NRG3: variants seen among roughly 807,000 people sequenced by gnomAD.
NRG3 encodes the protein pro-neuregulin-3, membrane-bound isoform.
Under a neutral mutation model 66.9 loss-of-function variants are expected in NRG3, and 31 were observed. That is an observed-to-expected ratio of 0.46 (90% CI 0.35 to 0.63). NRG3 has a LOEUF of 0.63. NRG3 is among the 20% of genes least tolerant of loss of function. The pLI, the probability that NRG3 is intolerant of heterozygous loss-of-function variation, is 0.00. For missense variants in NRG3, 910 were observed against 878.9 expected (o/e 1.04, Z -0.45); for synonymous variants, 393 against 359.4 (o/e 1.09, Z -1.06).
At position 82,722,719 on chromosome 10, in the gene NRG3, T is replaced by C. The variant is rs1454682388; in HGVS notation, c.954-15858T>C. The stretch of plus-strand genomic sequence containing the variant: ...CACACTAAGCCTCTATTTCTTGCTT[T>C]ATCTACTTTAGATATGGAGCATTGA... On this transcript the variant is annotated intron_variant, in intron 2 of 8. Coordinates refer to ENST00000372141, the MANE Select transcript of NRG3 (RefSeq NM_001010848.4). Among the ~76,000 whole-genome samples the C allele has an allele frequency of 2.0e-5, 3 of 152,220 alleles. No individual in the cohort carries two copies. The East Asian group carries it at 5.8e-4, about 29-fold the overall frequency.
At position 82,349,610 on chromosome 10, in the gene NRG3, G is replaced by T. The variant is rs573021750; in HGVS notation, c.824-9129G>T. Among the ~76,000 whole-genome samples, 183 of 152,078 alleles carry T rather than the reference G, an allele frequency of 1.2e-3. 1 individual carries two copies. In the East Asian group the frequency reaches 0.031, roughly 26 times the overall value. On this transcript the variant is annotated intron_variant, in intron 1 of 8. Coordinates refer to ENST00000372141, the MANE Select transcript of NRG3 (RefSeq NM_001010848.4). ...GGCTCCACCCAGTTCGAGCTTCCCG[G>T]CTGCTTTGTTTACCTAAGCAAGCCT...
intron 2 of NRG3, among the ~76,000 whole-genome samples, chr10:82,652,293 C>G (rs996917358): frequency 2.6e-5 from 4 of 152,198 alleles, no homozygotes; most frequent in Non-Finnish European, 4.4e-5. Context: ...TGTATCCACA[C>G]TCTTGGCTCC....
intron 3 of NRG3, among the ~76,000 whole-genome samples, chr10:82,856,267 G>A (rs772587223): frequency 2.0e-5 from 3 of 152,098 alleles, no homozygotes; most frequent in Non-Finnish European, 4.4e-5. Context: ...TGATAGGGTG[G>A]AGCAATGAAA....
intron 1 of NRG3, among the ~76,000 whole-genome samples, chr10:82,149,568 T>C (rs958646720): frequency 3.9e-5 from 6 of 152,208 alleles, no homozygotes; most frequent in African/African-American, 1.4e-4. Flanking sequence ...GCAAATATTT[T>C]TGAAACCTAA....
chr10:82,144,789 C>T (rs1181277015), intron 1 of NRG3, among the ~76,000 whole-genome samples: 1 of 152,180 alleles, frequency 6.6e-6, no homozygotes, highest in Non-Finnish European at 1.5e-5. Context: ...TCCTGAACTT[C>T]TGTTTCCTCC....
intron 1 of NRG3, among the ~76,000 whole-genome samples, chr10:82,003,534 A>G (rs896730452): frequency 2.0e-5 from 3 of 152,222 alleles, no homozygotes; most frequent in Admixed American, 6.5e-5. Flanking sequence ...CTGGAAAACC[A>G]GGAGACTGTA....
chr10:82,534,887 G>A (rs1565038958), intron 2 of NRG3, among the ~76,000 whole-genome samples: 1 of 151,458 alleles, frequency 6.6e-6, no homozygotes, highest in African/African-American at 2.4e-5. Context: ...TTGAGGCCAG[G>A]CACAGTGGCT....
At chr10:82,376,617 C>T (rs2085254623) in intron 2 of NRG3, among the ~76,000 whole-genome samples, 1 of 152,112 alleles carries the variant, frequency 6.6e-6, no homozygotes, top group Non-Finnish European at 1.5e-5. Context: ...TTATTCTGCT[C>T]CCCAAGCACC....
chr10:82,239,393 T>C (rs1424302270), intron 1 of NRG3, among the ~76,000 whole-genome samples: 3 of 152,148 alleles, frequency 2.0e-5, no homozygotes, highest in African/African-American at 7.2e-5. Flanking sequence ...TGACCTCAGA[T>C]GATCCGGCCG....
At chr10:82,384,005 C>A (rs990223074) in intron 2 of NRG3, among the ~76,000 whole-genome samples, 1 of 151,968 alleles carries the variant, frequency 6.6e-6, no homozygotes, top group Non-Finnish European at 1.5e-5. Context: ...TTTACTGCAT[C>A]ACTAAACATT....
intron 1 of NRG3, among the ~76,000 whole-genome samples, chr10:81,968,254 A>G (rs924475367): frequency 6.6e-6 from 1 of 152,190 alleles, no homozygotes; most frequent in Non-Finnish European, 1.5e-5. Context: ...CCAAATGCCA[A>G]TCAGTGAGTG....
intron 8 of NRG3, among the ~76,000 whole-genome samples, chr10:82,981,355 T>G (rs993532212): frequency 6.6e-6 from 1 of 152,200 alleles, no homozygotes. Context: ...ATGGTGACTC[T>G]AAATATAAGT....
At chr10:82,599,891 A>G (rs980034811) in intron 2 of NRG3, among the ~76,000 whole-genome samples, 1 of 152,198 alleles carries the variant, frequency 6.6e-6, no homozygotes, top group Non-Finnish European at 1.5e-5. Flanking sequence ...AATGACATGG[A>G]AAGTAGTGGT....
rs200163179 is a variant in NRG3 at position 82,189,985 on chromosome 10, A to AAC, written c.824-168753_824-168752insCA. 8.9e-3 allele frequency among the ~76,000 whole-genome samples: 1,348 copies of AAC among 152,000 alleles called. 9 individuals are homozygous for AAC. Among genetic ancestry groups the AAC allele is most frequent in the Non-Finnish European group, 0.015 (1,051 of 67,952 alleles). Reference sequence around the variant, plus strand: ...CTGAAAATAAAAAAACAAACAAACAAAAAAAACAGAGAAATTTTGAACAAG... The same window carrying AAC: ...CTGAAAATAAAAAAACAAACAAACAAACAAAAAACAGAGAAATTTTGAACAAG... On this transcript the variant is annotated intron_variant, in intron 1 of 8. Transcript: ENST00000372141.
chr10:82,374,613 C>T (rs2022854), intron 2 of NRG3, among the ~76,000 whole-genome samples: 14 of 152,004 alleles, frequency 9.2e-5, no homozygotes, highest in African/African-American at 3.4e-4. Context: ...CTGCAGATTA[C>T]GGTACAGTGG....
intron 1 of NRG3, among the ~76,000 whole-genome samples, chr10:81,950,178 A>G (rs921468124): frequency 3.3e-5 from 5 of 152,136 alleles, no homozygotes; most frequent in Non-Finnish European, 5.9e-5. Flanking sequence ...ATGAGATTTG[A>G]CTTTTCTACT....
chr10:82,880,591 C>T (rs998976549), intron 4 of NRG3, among the ~76,000 whole-genome samples: 1 of 152,106 alleles, frequency 6.6e-6, no homozygotes, highest in Non-Finnish European at 1.5e-5. Context: ...GGTGTGTTTT[C>T]TCCAAATATG....
intron 1 of NRG3, among the ~76,000 whole-genome samples, chr10:82,275,196 A>G (rs942001849): frequency 6.6e-6 from 1 of 151,988 alleles, no homozygotes; most frequent in Non-Finnish European, 1.5e-5. Flanking sequence ...TTAGATTATC[A>G]ATGTTGTTTA....
At chr10:82,081,272 C>T (rs1370652766) in intron 1 of NRG3, among the ~76,000 whole-genome samples, 1 of 152,116 alleles carries the variant, frequency 6.6e-6, no homozygotes, top group Non-Finnish European at 1.5e-5. Flanking sequence ...TGGAGAGACA[C>T]CCATGATGGA....
Sources: gnomAD v4.1 joint callset for allele counts (sites outside exome capture counted in the v4.1 genomes callset) on GRCh38, gnomAD v4.1.1 for gene constraint, MANE v1.5 for transcripts, NCBI Gene and HGNC (gene_info 2026-07-23, HGNC 2026-07-21) for gene names.